Variants in SFXN5 observed in about 807,000 individuals in gnomAD.
SFXN5 encodes sideroflexin 5, also known as sideroflexin-5.
Under a neutral mutation model 50.2 loss-of-function variants are expected in SFXN5, and 43 were observed. That is an observed-to-expected ratio of 0.86 (90% CI 0.67 to 1.11). The LOEUF (loss-of-function observed/expected upper bound fraction) is 1.11, where lower values mean the gene tolerates loss of function less well. SFXN5 is among the 50% of genes least tolerant of loss of function. SFXN5 has a pLI of 0.00. For missense variants in SFXN5, 463 were observed against 454.1 expected, an observed-to-expected ratio of 1.02 and a Z score of -0.18; for synonymous variants, 203 against 185.8, an observed-to-expected ratio of 1.09 and a Z score of -0.75.
intron 13 of SFXN5, among the ~76,000 whole-genome samples, chr2:72,946,109 C>G (rs1671903292): frequency 6.6e-6 from 1 of 151,656 alleles, no homozygotes; most frequent in Non-Finnish European, 1.5e-5. Context: ...AGGACAGGAC[C>G]CCACCTGGCT....
chr2:73,039,084 T>C (rs538082692), intron 3 of SFXN5, among the ~76,000 whole-genome samples: 2 of 152,308 alleles, frequency 1.3e-5, no homozygotes, highest in African/African-American at 4.8e-5. Context: ...TGTACCACTA[T>C]GCCCGGCTAA....
rs889910231 is a variant in SFXN5 at position 73,041,937 on chromosome 2, G to A, written c.172-1006C>T. ...TGGTCTCAAACTCCTGGGCTCAAGC[G>A]AGATCTGCCTGCCTCAGCTTCCCAA... On this transcript the variant is annotated intron_variant, in intron 2 of 13. Transcript: ENST00000272433. Among the ~76,000 whole-genome samples the A allele has an allele frequency of 3.9e-5, 6 of 152,284 alleles. No homozygotes were observed. The East Asian group carries it at 7.7e-4, about 20-fold the overall frequency.
chr2:73,023,932 T>C (rs748284354), intron 3 of SFXN5, among the ~76,000 whole-genome samples: 3 of 152,196 alleles, frequency 2.0e-5, no homozygotes, highest in Non-Finnish European at 4.4e-5. Context: ...TCCCTTCAAA[T>C]GACCTAAATA....
intron 2 of SFXN5, among the ~76,000 whole-genome samples, chr2:73,052,245 C>T (rs2105990452): frequency 6.6e-6 from 1 of 152,152 alleles, no homozygotes; most frequent in East Asian, 1.9e-4. Flanking sequence ...AAACCAAGAT[C>T]TGGGTGCTAC....
intron 5 of SFXN5, among the ~76,000 whole-genome samples, chr2:73,021,361 G>A (rs1350074671): frequency 6.6e-6 from 1 of 152,176 alleles, no homozygotes; most frequent in Non-Finnish European, 1.5e-5. Flanking sequence ...GTGTGTGCCT[G>A]CAGTCCCAGC....
chr2:73,057,362 T>C (rs1340328118), intron 2 of SFXN5, among the ~76,000 whole-genome samples: 2 of 152,152 alleles, frequency 1.3e-5, no homozygotes, highest in Non-Finnish European at 2.9e-5. Flanking sequence ...GGTCTCACTA[T>C]GTTGCCCAGG....
In SFXN5 at chr2:72,973,896, C is replaced by G. The variant is rs1670317917; in HGVS notation, c.626-2211G>C. On this transcript the variant is annotated intron_variant, in intron 10 of 13. Coordinates refer to ENST00000272433, the MANE Select transcript of SFXN5 (RefSeq NM_144579.3). The surrounding 1 kb of genome is among the most constrained non-coding windows in gnomAD (Gnocchi z 5.5). ...GTTGAGAGGACAGTGGGGTTTTCTGCCCTGAAAGGCATCAATCCTAGCCCT... is the reference window on the plus strand; with the variant it reads ...GTTGAGAGGACAGTGGGGTTTTCTGGCCTGAAAGGCATCAATCCTAGCCCT... Among the ~76,000 whole-genome samples, 1 of 152,174 alleles carries G rather than the reference C, an allele frequency of 6.6e-6. No homozygotes were observed. The highest frequency in any genetic ancestry group is 1.9e-4 in the East Asian group (1 of 5,198).
chr2:73,018,855 C>A (rs1170311643), intron 6 of SFXN5, among the ~76,000 whole-genome samples: 1 of 152,206 alleles, frequency 6.6e-6, no homozygotes, highest in Non-Finnish European at 1.5e-5. Flanking sequence ...ACACCACCTG[C>A]TGCAACCCAG....
intron 2 of SFXN5, among the ~76,000 whole-genome samples, chr2:73,051,288 T>G (rs1681291413): frequency 7.5e-6 from 1 of 133,104 alleles, no homozygotes; most frequent in African/African-American, 2.9e-5. Flanking sequence ...AGACGGAGTC[T>G]TACTCTGTCA....
chr2:73,001,555 G>C lies in SFXN5; in HGVS notation c.381C>G (p.Asn127Lys). ...TPIVVGLLLP[N>K]QTLASTVFWQ... is the part of the protein sequence containing the mutation. ...AGAAGACAGTGGATGCCAGTGTCTG[G>C]TTGGGCAAGAGAAGACCGACTACCT... The change falls in exon 7 of 14, where the codon AAC (asparagine) becomes AAG (lysine). Residue 127 changes from asparagine (N) to lysine (K), a missense_variant. By Grantham distance (94) the Asn-to-Lys change is moderately conservative. Transcript: ENST00000272433. 2 of 1,614,226 alleles carry C rather than the reference G, an allele frequency of 1.2e-6. No individual in the cohort carries two copies. Among genetic ancestry groups the C allele is most frequent in the Non-Finnish European group, 1.7e-6 (2 of 1,180,042 alleles).
rs376520904 is a variant in SFXN5 at position 72,991,708 on chromosome 2, G to A, written c.535-3360C>T. Among the ~76,000 whole-genome samples, 51 of 152,328 alleles carry A rather than the reference G, an allele frequency of 3.3e-4. No homozygotes were observed. In the East Asian group the frequency reaches 8.1e-3, roughly 24 times the overall value. On this transcript the variant is annotated intron_variant, in intron 9 of 13. Coordinates refer to ENST00000272433, the MANE Select transcript of SFXN5 (RefSeq NM_144579.3). ...TGGCCTTGAACATTTGGTAGAGCCC[G>A]TTAAAATTAAAAAGCCAAGAGGCTG...
chr2:72,961,329 C>G lies in SFXN5; in HGVS notation c.828-81G>C. ...GCCAGCCACCATGCTGGGTCCCACT[C>G]TGTCTCTGGGCCCAGGAAGCGTGGT... On this transcript the variant is annotated intron_variant, in intron 12 of 13. Coordinates refer to ENST00000272433, the MANE Select transcript of SFXN5 (RefSeq NM_144579.3). The surrounding 1 kb of genome is among the most constrained non-coding windows in gnomAD (Gnocchi z 4.4). The G allele has an allele frequency of 3.2e-6, 3 of 929,498 alleles. No individual in the cohort carries two copies. The highest frequency in any genetic ancestry group is 3.5e-5 in the South Asian group (2 of 56,614). The allele number at this position is 929,498 out of a possible 1,614,324, so 57.6% of individuals were successfully genotyped here. A position where few individuals can be genotyped will look rare whatever the true frequency, so the allele number is the denominator to read the frequency against.
intron 13 of SFXN5, among the ~76,000 whole-genome samples, chr2:72,949,521 G>T (rs1337121588): frequency 6.6e-6 from 1 of 152,106 alleles, no homozygotes; most frequent in East Asian, 1.9e-4. Context: ...TCGCTATGTT[G>T]TCCAGGCTGA....
intron 3 of SFXN5, among the ~76,000 whole-genome samples, chr2:73,033,131 C>G (rs1391844381): frequency 6.6e-6 from 1 of 152,226 alleles, no homozygotes; most frequent in Non-Finnish European, 1.5e-5. Flanking sequence ...TGAGCCTCCT[C>G]TTCCTCATTT....
chr2:72,994,690 C>T (rs780730829), intron 9 of SFXN5, among the ~76,000 whole-genome samples: 2 of 152,072 alleles, frequency 1.3e-5, no homozygotes, highest in Non-Finnish European at 2.9e-5. Flanking sequence ...CACCCCTTCT[C>T]CTCCAGCCCA....
At chr2:73,017,196 T>A (rs114988407) in intron 6 of SFXN5, among the ~76,000 whole-genome samples, 195 of 152,318 alleles carry the variant, frequency 1.3e-3, no homozygotes, top group African/African-American at 4.5e-3. Context: ...TATTTGTATC[T>A]GTTTATTCTT....
At chr2:72,955,961 C>T (rs576886462) in intron 13 of SFXN5, among the ~76,000 whole-genome samples, 2 of 152,382 alleles carry the variant, frequency 1.3e-5, no homozygotes, top group South Asian at 4.1e-4. Context: ...CCATCATGAC[C>T]TGTGCTGTCA....
At chr2:73,050,079 A>G (rs981374581) in intron 2 of SFXN5, among the ~76,000 whole-genome samples, 1 of 151,802 alleles carries the variant, frequency 6.6e-6, no homozygotes, top group Non-Finnish European at 1.5e-5. Context: ...CCTGCCTTCC[A>G]GACACACTGG....
intron 3 of SFXN5, among the ~76,000 whole-genome samples, chr2:73,034,900 T>A (rs373186993): frequency 6.6e-6 from 1 of 152,214 alleles, no homozygotes; most frequent in East Asian, 1.9e-4. Context: ...ATCTGGCCTG[T>A]AACCTCCAAC....
Sources: gnomAD v4.1 joint callset for allele counts (sites outside exome capture counted in the v4.1 genomes callset) on GRCh38, gnomAD v4.1.1 for gene constraint, Gnocchi (gnomAD v3.1) non-coding constraint, MANE v1.5 for transcripts, NCBI Gene and HGNC (gene_info 2026-07-23, HGNC 2026-07-21) for gene names.